TRDN: variants seen among roughly 807,000 people sequenced by gnomAD.
The protein encoded by TRDN is triadin in skeletal muscle.
Under a neutral mutation model 149.7 loss-of-function variants are expected in TRDN, and 161 were observed. The observed-to-expected ratio is 1.08, with a 90% CI of 0.95 to 1.23. TRDN has a LOEUF of 1.23. Ranked by LOEUF, TRDN falls within the 50% of genes most tolerant of loss-of-function variation. The probability of loss-of-function intolerance (pLI) is 0.00; values close to 1 mark genes in which losing one functional copy is unlikely to be tolerated. For synonymous variants in TRDN, 294 were observed against 250.5 expected (o/e 1.17, Z -1.64); for missense variants, 896 against 823.5 (o/e 1.09, Z -1.08).
chr6:123,427,367 A>G (rs1156397695), intron 12 of TRDN, among the ~76,000 whole-genome samples: 1 of 151,936 alleles, frequency 6.6e-6, no homozygotes, highest in African/African-American at 2.4e-5. Flanking sequence ...TAATAACTTC[A>G]CTTCAAAATT....
intron 2 of TRDN, among the ~76,000 whole-genome samples, chr6:123,554,055 T>C (rs893999026): frequency 6.6e-6 from 1 of 152,200 alleles, no homozygotes; most frequent in Non-Finnish European, 1.5e-5. Flanking sequence ...CACGCCCTCA[T>C]AGCGAACCTT....
chr6:123,633,970 T>C (rs1157101919), intron 1 of TRDN, among the ~76,000 whole-genome samples: 1 of 152,038 alleles, frequency 6.6e-6, no homozygotes, highest in Non-Finnish European at 1.5e-5. Flanking sequence ...AAACTTGAGA[T>C]GAGAACAGTT....
intron 1 of TRDN, among the ~76,000 whole-genome samples, chr6:123,635,569 C>G (rs2114755928): frequency 6.6e-6 from 1 of 152,040 alleles, no homozygotes; most frequent in African/African-American, 2.4e-5. Flanking sequence ...TACGAGGTGT[C>G]AGACTGAATT....
intron 1 of TRDN, among the ~76,000 whole-genome samples, chr6:123,620,500 A>G (rs1785327817): frequency 6.6e-6 from 1 of 152,170 alleles, no homozygotes. Flanking sequence ...ACAGGAAAGA[A>G]TGCCTAGTAT....
intron 23 of TRDN, among the ~76,000 whole-genome samples, chr6:123,327,173 G>A (rs1055330365): frequency 2.0e-5 from 3 of 151,976 alleles, no homozygotes; most frequent in African/African-American, 7.2e-5. Flanking sequence ...GTCATCTAAT[G>A]TATTTTCCTA....
intron 12 of TRDN, among the ~76,000 whole-genome samples, chr6:123,423,105 T>C (rs561635750): frequency 6.6e-6 from 1 of 152,154 alleles, no homozygotes; most frequent in Non-Finnish European, 1.5e-5. Flanking sequence ...TTTGGAGGAA[T>C]AAACATGTTG....
intron 2 of TRDN, among the ~76,000 whole-genome samples, chr6:123,565,560 G>A (rs1782242683): frequency 6.6e-6 from 1 of 152,166 alleles, no homozygotes; most frequent in Non-Finnish European, 1.5e-5. Flanking sequence ...TCCCTTATAT[G>A]TATGTTTTCA....
intron 10 of TRDN, among the ~76,000 whole-genome samples, chr6:123,446,252 G>T (rs1015344703): frequency 1.3e-5 from 2 of 151,626 alleles, no homozygotes; most frequent in African/African-American, 2.4e-5. Context: ...GGGGGGAGTG[G>T]GGAGGGATAG....
intron 26 of TRDN, among the ~76,000 whole-genome samples, chr6:123,277,479 T>C (rs943172134): frequency 1.3e-5 from 2 of 152,114 alleles, no homozygotes; most frequent in Non-Finnish European, 2.9e-5. Context: ...TTATTGCAGA[T>C]GTAATTAGTT....
intron 38 of TRDN, among the ~76,000 whole-genome samples, chr6:123,235,631 T>C (rs73771545): frequency 0.054 from 8,259 of 152,162 alleles, 665 homozygotes; most frequent in African/African-American, 0.19. Flanking sequence ...TTTTAAGACA[T>C]GTATATGAAT....
intron 24 of TRDN, among the ~76,000 whole-genome samples, chr6:123,297,046 G>A (rs531348570): frequency 2.0e-5 from 3 of 152,196 alleles, no homozygotes; most frequent in African/African-American, 7.2e-5. Flanking sequence ...TGTTTGGAAA[G>A]TCCTTTAAAC....
chr6:123,555,626 A>G (rs1396221012), intron 2 of TRDN, among the ~76,000 whole-genome samples: 1 of 152,190 alleles, frequency 6.6e-6, no homozygotes, highest in African/African-American at 2.4e-5. Flanking sequence ...CTTTTGTTGT[A>G]ACCAAAATAG....
At chr6:123,292,360 C>A (rs1039762627) in intron 24 of TRDN, among the ~76,000 whole-genome samples, 6 of 152,114 alleles carry the variant, frequency 3.9e-5, no homozygotes, top group African/African-American at 1.4e-4. Context: ...CCCTTTTTAG[C>A]AGTGTGGGAG....
intron 8 of TRDN, chr6:123,503,321 C>A: frequency 2.0e-6 from 2 of 985,262 alleles, no homozygotes. Flanking sequence ...ACATGTACCC[C>A]TTCACAAACT....
chr6:123,477,213 G>GA (rs1156551913), intron 9 of TRDN, among the ~76,000 whole-genome samples: 3 of 128,858 alleles, frequency 2.3e-5, no homozygotes, highest in East Asian at 4.4e-4. Flanking sequence ...AAATTTACAA[G>GA]AAAAAAACAA....
chr6:123,218,582 A>C lies in TRDN; in HGVS notation c.*19T>G, dbSNP rs375670165. ...ATTTTTAAAATCTTAAAGCACTTGTAAGGGTCATACATGTGTGTTTACTGT... is the reference window on the plus strand; with the variant it reads ...ATTTTTAAAATCTTAAAGCACTTGTCAGGGTCATACATGTGTGTTTACTGT... On this transcript the variant is annotated 3_prime_UTR_variant, in exon 41 of 41. Transcript: ENST00000334268. 256 of 1,600,762 alleles carry C rather than the reference A, an allele frequency of 1.6e-4. No individual in the cohort carries two copies. Among genetic ancestry groups the C allele is most frequent in the Admixed American group, 2.1e-4 (12 of 57,174 alleles).
chr6:123,222,824 A>G (rs1351491454), intron 39 of TRDN, among the ~76,000 whole-genome samples: 2 of 151,930 alleles, frequency 1.3e-5, no homozygotes, highest in Non-Finnish European at 2.9e-5. Flanking sequence ...CCTCATTACA[A>G]AGTGGTCAAA....
intron 2 of TRDN, among the ~76,000 whole-genome samples, chr6:123,569,035 G>A (rs1411851226): frequency 6.6e-6 from 1 of 152,092 alleles, no homozygotes; most frequent in East Asian, 1.9e-4. Flanking sequence ...TCCACTTTAA[G>A]TCATTTTTTT....
chr6:123,495,498 G>A (rs902299786), intron 9 of TRDN, among the ~76,000 whole-genome samples: 4 of 150,160 alleles, frequency 2.7e-5, no homozygotes, highest in Non-Finnish European at 5.9e-5. Flanking sequence ...CAGCCTGAGT[G>A]ACGAGAGTGA....
Sources: gnomAD v4.1 joint callset for allele counts (sites outside exome capture counted in the v4.1 genomes callset) on GRCh38, gnomAD v4.1.1 for gene constraint, MANE v1.5 for transcripts, NCBI Gene and HGNC (gene_info 2026-07-23, HGNC 2026-07-21) for gene names.